The following USH2A variants were observed in gnomAD, a reference collection of about 807,000 sequenced individuals.
The protein encoded by USH2A is usherin.
USH2A carries 443 observed loss-of-function variants against 538.9 expected under a neutral mutation model. That is an observed-to-expected ratio of 0.82 (90% confidence interval 0.76 to 0.89). The LOEUF (loss-of-function observed/expected upper bound fraction) is 0.89, where lower values mean the gene tolerates loss of function less well. Among genes scored for constraint, USH2A ranks in the 40% least tolerant of loss-of-function variants. The pLI, the probability that USH2A is intolerant of heterozygous loss-of-function variation, is 0.00. For missense variants in USH2A, 6,633 were observed against 6,324.8 expected, an observed-to-expected ratio of 1.05 and a Z score of -1.65; for synonymous variants, 2,413 against 2,273.5, an observed-to-expected ratio of 1.06 and a Z score of -1.75.
chr1:215,879,311 C>A (rs767340405), intron 41 of USH2A, among the ~76,000 whole-genome samples: 25 of 152,204 alleles, frequency 1.6e-4, no homozygotes, highest in Non-Finnish European at 3.4e-4. Context: ...CTGGGTTTGG[C>A]TTTCAGTCTT....
At chr1:215,877,499 G>C (rs1231274721) in intron 43 of USH2A, among the ~76,000 whole-genome samples, 1 of 152,078 alleles carries the variant, frequency 6.6e-6, no homozygotes, top group Admixed American at 6.5e-5. Context: ...ATGGAGCCGT[G>C]ACAAAGGCAA....
chr1:215,769,031 G>T (rs956401238), intron 55 of USH2A, among the ~76,000 whole-genome samples: 2 of 152,156 alleles, frequency 1.3e-5, no homozygotes, highest in Admixed American at 1.3e-4. Context: ...GACCAAAAAG[G>T]TCCTTCCTCA....
chr1:216,071,212 A>T (rs1021313250), intron 29 of USH2A, among the ~76,000 whole-genome samples: 27 of 152,200 alleles, frequency 1.8e-4, no homozygotes, highest in African/African-American at 6.0e-4. Flanking sequence ...TCCACATCAA[A>T]TCTCCTCCTC....
At chr1:215,973,664 T>C (rs1315980292) in intron 35 of USH2A, among the ~76,000 whole-genome samples, 2 of 150,174 alleles carry the variant, frequency 1.3e-5, no homozygotes, top group African/African-American at 4.9e-5. Context: ...TTCTTTTTTT[T>C]TTTTTTTTTT....
At chr1:216,312,456 T>C (rs2037439690) in intron 9 of USH2A, among the ~76,000 whole-genome samples, 1 of 152,164 alleles carries the variant, frequency 6.6e-6, no homozygotes, top group South Asian at 2.1e-4. Context: ...GTCTCACAGT[T>C]CTTAGATATT....
At chr1:215,696,822 C>T (rs556126881) in intron 61 of USH2A, among the ~76,000 whole-genome samples, 7 of 152,160 alleles carry the variant, frequency 4.6e-5, no homozygotes, top group African/African-American at 1.7e-4. Flanking sequence ...TATGATGGAG[C>T]CACTGCACTC....
At chr1:216,112,371 G>A (rs900629873) in intron 21 of USH2A, among the ~76,000 whole-genome samples, 26 of 151,996 alleles carry the variant, frequency 1.7e-4, no homozygotes, top group African/African-American at 6.0e-4. Context: ...CAATACCTGA[G>A]GAAAAAAACA....
chr1:215,828,868 C>A (rs1663235934), intron 47 of USH2A, among the ~76,000 whole-genome samples: 1 of 152,236 alleles, frequency 6.6e-6, no homozygotes, highest in East Asian at 1.9e-4. Flanking sequence ...GAATAAATAA[C>A]TAAACTTCAT....
chr1:216,062,822 A>G (rs1318101404), intron 30 of USH2A, among the ~76,000 whole-genome samples: 2 of 152,204 alleles, frequency 1.3e-5, no homozygotes, highest in African/African-American at 4.8e-5. Context: ...AGAAGTAATG[A>G]TCATAAACAC....
chr1:215,881,284 G>A (rs892405502), intron 41 of USH2A, among the ~76,000 whole-genome samples: 9 of 152,122 alleles, frequency 5.9e-5, no homozygotes, highest in Non-Finnish European at 7.4e-5. Flanking sequence ...AGGAGTATAC[G>A]CGTGTGCTAC....
chr1:216,190,360 T>C lies in USH2A; in HGVS notation c.4259A>G (p.His1420Arg). ...SIPMAFSQLL[H>R]TAKSQELSYT... The stretch of plus-strand genomic sequence containing the variant: ...AGATAGTTCTTGGGATTTAGCAGTG[T>C]GCAACAGCTTCAAGGCAAAAAAGAA... Residue 1420 changes from histidine (H) to arginine (R), a missense_variant, in exon 20 of 72, where the codon CAC (histidine) becomes CGC (arginine). Transcript: ENST00000307340. The C allele has an allele frequency of 6.2e-7, 1 of 1,611,348 alleles. No individual in the cohort carries two copies. Among genetic ancestry groups the C allele is most frequent in the Non-Finnish European group, 8.5e-7 (1 of 1,178,624 alleles).
chr1:215,924,975 A>G (rs1666201487), intron 38 of USH2A, among the ~76,000 whole-genome samples: 1 of 152,094 alleles, frequency 6.6e-6, no homozygotes, highest in Non-Finnish European at 1.5e-5. Context: ...TCCATAGCTC[A>G]GAAGTTAGTC....
chr1:216,393,607 C>A (rs988662363), intron 3 of USH2A, among the ~76,000 whole-genome samples: 1 of 151,806 alleles, frequency 6.6e-6, no homozygotes, highest in African/African-American at 2.4e-5. Flanking sequence ...ATTAATGGAT[C>A]AAAAATAATG....
chr1:216,317,653 G>T (rs996032146), intron 9 of USH2A, among the ~76,000 whole-genome samples: 1 of 151,722 alleles, frequency 6.6e-6, no homozygotes, highest in Non-Finnish European at 1.5e-5. Context: ...TTCAAGACCT[G>T]CCTGGCCAAC....
At chr1:216,228,842 T>G (rs575133213) in intron 14 of USH2A, among the ~76,000 whole-genome samples, 73 of 152,164 alleles carry the variant, frequency 4.8e-4, no homozygotes, top group Non-Finnish European at 9.3e-4. Context: ...CCAACTAATA[T>G]GTAAAGATAT....
chr1:215,673,878 C>G (rs1657903018), intron 63 of USH2A, among the ~76,000 whole-genome samples: 1 of 152,162 alleles, frequency 6.6e-6, no homozygotes, highest in African/African-American at 2.4e-5. Flanking sequence ...GAAACACTGA[C>G]TCTCAAAACA....
intron 38 of USH2A, among the ~76,000 whole-genome samples, chr1:215,925,900 G>A (rs942836): frequency 0.84 from 127,718 of 152,170 alleles, 53,772 homozygotes; most frequent in African/African-American, 0.89. Flanking sequence ...AGAACCATTA[G>A]TTTTATTTTT....
intron 32 of USH2A, among the ~76,000 whole-genome samples, chr1:216,004,480 C>T (rs977689719): frequency 2.6e-5 from 4 of 152,034 alleles, no homozygotes; most frequent in African/African-American, 7.2e-5. Flanking sequence ...AATCGGCCAT[C>T]GGGTATAACA....
chr1:215,759,179 T>C (rs1660901660), intron 57 of USH2A, among the ~76,000 whole-genome samples: 1 of 152,202 alleles, frequency 6.6e-6, no homozygotes, highest in South Asian at 2.1e-4. Flanking sequence ...CATCTGTTGA[T>C]TTAAGATATG....
Sources: gnomAD v4.1 joint callset for allele counts (sites outside exome capture counted in the v4.1 genomes callset) on GRCh38, gnomAD v4.1.1 for gene constraint, MANE v1.5 for transcripts, NCBI Gene and HGNC (gene_info 2026-07-23, HGNC 2026-07-21) for gene names.